RMDN2: variants seen among roughly 807,000 people sequenced by gnomAD.
RMDN2 encodes regulator of microtubule dynamics 2.
A neutral mutation model predicts 52.8 loss-of-function variants in RMDN2; 61 were observed. That is an observed-to-expected ratio of 1.16 (90% confidence interval 0.94 to 1.43). The LOEUF is 1.43. RMDN2 is among the 40% of genes most tolerant of loss of function. The pLI is 0.00. For synonymous variants in RMDN2, 180 were observed against 153.1 expected (o/e 1.18, Z -1.30); for missense variants, 592 against 475.3 (o/e 1.25, Z -2.28).
At chr2:38,016,060 C>T (rs1350679138) in intron 10 of RMDN2, among the ~76,000 whole-genome samples, 28 of 152,178 alleles carry the variant, frequency 1.8e-4, no homozygotes, top group Admixed American at 1.8e-3. Flanking sequence ...TAAAATTAAT[C>T]ATATAGCTAT....
At chr2:37,922,591 G>C (rs1159083033), upstream of RMDN2, among the ~76,000 whole-genome samples, 2 of 152,168 alleles carry the variant, frequency 1.3e-5, no homozygotes, top group Non-Finnish European at 2.9e-5. Flanking sequence ...TACCATCCTT[G>C]AAGATGTTCA....
intron 10 of RMDN2, among the ~76,000 whole-genome samples, chr2:38,054,603 T>C (rs989650131): frequency 2.6e-5 from 4 of 152,250 alleles, no homozygotes; most frequent in African/African-American, 7.2e-5. Context: ...TTTTCCTCCA[T>C]GTTTATTGTC....
At chr2:37,930,504 G>C (rs1195818768) in intron 2 of RMDN2, among the ~76,000 whole-genome samples, 2 of 152,210 alleles carry the variant, frequency 1.3e-5, no homozygotes, top group African/African-American at 4.8e-5. Flanking sequence ...GGGAGCGAGG[G>C]GCACCCCAAG....
chr2:37,996,850 T>C (rs897125783), intron 7 of RMDN2, among the ~76,000 whole-genome samples: 1 of 152,190 alleles, frequency 6.6e-6, no homozygotes, highest in Non-Finnish European at 1.5e-5. Context: ...TTACTGATTT[T>C]TTAAAAAATC....
intron 10 of RMDN2, among the ~76,000 whole-genome samples, chr2:38,026,653 G>T (rs1384236096): frequency 6.6e-6 from 1 of 151,906 alleles, no homozygotes; most frequent in Non-Finnish European, 1.5e-5. Context: ...TGCAGAACAT[G>T]CAGGTTTGTT....
Position 37,993,176 on chromosome 2 carries a change from C to T in RMDN2, c.945+1879C>T, listed in dbSNP as rs549166903. On this transcript the variant is annotated intron_variant, in intron 7 of 10. Transcript: ENST00000354545. Reference sequence around the variant, plus strand: ...CTGGCCTCAAATGATCCACCTGCCTCGGCCTCCCAAAATGCTGGGATTACA... The same window carrying T: ...CTGGCCTCAAATGATCCACCTGCCTTGGCCTCCCAAAATGCTGGGATTACA... Among the ~76,000 whole-genome samples the T allele has an allele frequency of 1.2e-4, 19 of 152,276 alleles. No homozygotes were observed. In the East Asian group the frequency reaches 3.3e-3, roughly 26 times the overall value.
chr2:37,958,330 G>T (rs527490762), intron 2 of RMDN2, among the ~76,000 whole-genome samples: 2 of 151,860 alleles, frequency 1.3e-5, no homozygotes, highest in East Asian at 3.9e-4. Flanking sequence ...TTGAGAAGTG[G>T]TTTGTAGTTC....
intron 10 of RMDN2, among the ~76,000 whole-genome samples, chr2:38,051,185 C>G (rs1681574279): frequency 6.6e-6 from 1 of 152,178 alleles, no homozygotes; most frequent in Non-Finnish European, 1.5e-5. Context: ...GGAATTCATG[C>G]AATTAGACTG....
rs182504951 is a variant in RMDN2 at position 38,010,403 on chromosome 2, G to A, written c.1179+6187G>A. ...TGCTTTGTTTAGCTACTCAAGCCTC[G>A]GCAATGGCTCGCTCCCCTCCCCCAG... On this transcript the variant is annotated intron_variant, in intron 10 of 10. Coordinates refer to ENST00000354545, the MANE Select transcript of RMDN2 (RefSeq NM_001170791.3). Among the ~76,000 whole-genome samples the A allele has an allele frequency of 1.4e-3, 215 of 152,278 alleles. 4 individuals carry two copies. The highest frequency in any genetic ancestry group is 0.014 in the Admixed American group (210 of 15,300).
chr2:38,059,389 G>A (rs1024940471), intron 10 of RMDN2, among the ~76,000 whole-genome samples: 4 of 152,136 alleles, frequency 2.6e-5, no homozygotes, highest in African/African-American at 9.7e-5. Flanking sequence ...CCAGTGGTTG[G>A]ATATTGTGTA....
At chr2:37,968,023 A>C (rs7559278) in intron 2 of RMDN2, among the ~76,000 whole-genome samples, 2,248 of 152,168 alleles carry the variant, frequency 0.015, 53 homozygotes, top group African/African-American at 0.05. Context: ...TTTTCCGTGA[A>C]CTTTTTGAAG....
At chr2:38,020,045 G>A (rs1679224182), downstream of RMDN2, among the ~76,000 whole-genome samples, 1 of 152,104 alleles carries the variant, frequency 6.6e-6, no homozygotes, top group African/African-American at 2.4e-5. Context: ...AACCTAGAAG[G>A]GTGTGCTATA....
chr2:37,936,602 A>G (rs1005250730), intron 2 of RMDN2, among the ~76,000 whole-genome samples: 1 of 152,160 alleles, frequency 6.6e-6, no homozygotes, highest in Non-Finnish European at 1.5e-5. Context: ...GTATAAGATG[A>G]TATCTCATTG....
At position 37,939,895 on chromosome 2, in the gene RMDN2, T is replaced by G. The variant is rs142073252; in HGVS notation, c.452+10166T>G. The stretch of plus-strand genomic sequence containing the variant: ...AGCCCATTTACATTTAAGGTTAATA[T>G]TGTTATGTGTGAATTTGATCCTGTC... On this transcript the variant is annotated intron_variant, in intron 2 of 10. Transcript: ENST00000354545. 3.2e-3 allele frequency among the ~76,000 whole-genome samples: 489 copies of G among 152,326 alleles called. 2 individuals are homozygous for G. The highest frequency in any genetic ancestry group is 0.011 in the African/African-American group (457 of 41,580).
rs111636719 is a variant in RMDN2, at chr2:38,063,986, A to ATG, written c.1714-2984_1714-2983dup. Among the ~76,000 whole-genome samples, 609 of 151,890 alleles carry ATG rather than the reference A, an allele frequency of 4.0e-3. 7 individuals are homozygous for ATG. The highest frequency in any genetic ancestry group is 0.013 in the African/African-American group (558 of 41,412). On this transcript the variant is annotated intron_variant, in intron 10 of 10. Coordinates refer to the RMDN2 transcript ENST00000234195. ...TAGTGAATCCTGTTTGTGTGTGTGT[A>ATG]TGTGTGTGTGTGTATATATACATAC...
downstream of RMDN2, among the ~76,000 whole-genome samples, chr2:38,020,579 G>A (rs983448235): frequency 6.6e-6 from 1 of 152,230 alleles, no homozygotes; most frequent in Non-Finnish European, 1.5e-5. Context: ...CCGGGTGGGC[G>A]TGGGCTTGGC....
intron 2 of RMDN2, among the ~76,000 whole-genome samples, chr2:37,959,766 T>G (rs1226082814): frequency 6.6e-6 from 1 of 150,984 alleles, no homozygotes; most frequent in Non-Finnish European, 1.5e-5. Context: ...AGATCTTTTC[T>G]GCTTTCTCCT....
At chr2:37,985,538 C>T (rs1435737750) in intron 5 of RMDN2, among the ~76,000 whole-genome samples, 1 of 152,076 alleles carries the variant, frequency 6.6e-6, no homozygotes, top group Non-Finnish European at 1.5e-5. Flanking sequence ...GCTGACTAAA[C>T]GGTTTGAGGC....
chr2:38,018,890 G>A (rs191315394), downstream of RMDN2, among the ~76,000 whole-genome samples: 179 of 152,026 alleles, frequency 1.2e-3, no homozygotes, highest in Non-Finnish European at 2.0e-3. Context: ...GCACGCACAC[G>A]CACACACGCA....
Sources: allele counts gnomAD v4.1 joint callset (sites outside exome capture counted in the v4.1 genomes callset), GRCh38; gene constraint gnomAD v4.1.1; transcripts MANE v1.5; gene names NCBI Gene and HGNC (gene_info 2026-07-23, HGNC 2026-07-21).